GRID1: variants seen among roughly 807,000 people sequenced by gnomAD.
GRID1 encodes glutamate ionotropic receptor delta type subunit 1, also known as glutamate receptor ionotropic, delta-1.
Under a neutral mutation model 98.0 loss-of-function variants are expected in GRID1, and 28 were observed. The ratio of observed to expected loss-of-function variants is 0.29; its 90% confidence interval spans 0.21 to 0.39. GRID1 has a LOEUF of 0.39. GRID1 is among the 10% of genes least tolerant of loss of function. The pLI, the probability that GRID1 is intolerant of heterozygous loss-of-function variation, is 1.00. For missense variants in GRID1, 1,111 were observed against 1,340.5 expected, an observed-to-expected ratio of 0.83 and a Z score of 2.67; for synonymous variants, 553 against 538.5, an observed-to-expected ratio of 1.03 and a Z score of -0.37.
At chr10:85,947,460 G>A (rs370074252) in intron 4 of GRID1, among the ~76,000 whole-genome samples, 3 of 152,212 alleles carry the variant, frequency 2.0e-5, no homozygotes, top group African/African-American at 4.8e-5. Flanking sequence ...TGTAGAGCAC[G>A]TATGAGCAAG....
chr10:85,874,716 T>C (rs573342785), intron 5 of GRID1, among the ~76,000 whole-genome samples: 75 of 152,326 alleles, frequency 4.9e-4, no homozygotes, highest in African/African-American at 1.7e-3. Context: ...TACCGTGTGG[T>C]CAGTTTGTAC....
chr10:86,231,720 C>G (rs1429703569), intron 2 of GRID1, among the ~76,000 whole-genome samples: 1 of 152,180 alleles, frequency 6.6e-6, no homozygotes, highest in South Asian at 2.1e-4. Context: ...TATTATTAAC[C>G]ACCACAGGAG....
At chr10:86,059,668 A>G (rs1359301333) in intron 4 of GRID1, among the ~76,000 whole-genome samples, 4 of 152,224 alleles carry the variant, frequency 2.6e-5, no homozygotes, top group African/African-American at 9.6e-5. Flanking sequence ...ACCTCAATCA[A>G]TGCTAGTTTT....
At chr10:86,176,369 A>T (rs1372578264) in intron 3 of GRID1, among the ~76,000 whole-genome samples, 1 of 152,232 alleles carries the variant, frequency 6.6e-6, no homozygotes, top group Admixed American at 6.5e-5. Flanking sequence ...AGAATGGGGA[A>T]CTTGGCCTTA....
intron 8 of GRID1, among the ~76,000 whole-genome samples, chr10:85,810,618 A>T (rs1386004609): frequency 6.6e-6 from 1 of 151,948 alleles, no homozygotes; most frequent in African/African-American, 2.4e-5. Context: ...CCTAACTACC[A>T]TGCACCCTCA....
intron 8 of GRID1, among the ~76,000 whole-genome samples, chr10:85,752,167 G>A (rs1193515587): frequency 1.3e-5 from 2 of 152,074 alleles, no homozygotes; most frequent in Admixed American, 6.6e-5. Flanking sequence ...TCAGCTCTCC[G>A]GCCCTTTATG....
At chr10:85,869,755 G>A (rs1843258675) in intron 5 of GRID1, among the ~76,000 whole-genome samples, 1 of 152,080 alleles carries the variant, frequency 6.6e-6, no homozygotes, top group Non-Finnish European at 1.5e-5. Context: ...AAAAAATCAG[G>A]CCCTATCCTG....
intron 3 of GRID1, among the ~76,000 whole-genome samples, chr10:86,144,956 T>C (rs947882890): frequency 1.3e-5 from 2 of 152,212 alleles, no homozygotes; most frequent in African/African-American, 4.8e-5. Context: ...CTAGGACTCA[T>C]GCAACAGTGT....
At chr10:85,749,073 C>G (rs542343074) in intron 8 of GRID1, among the ~76,000 whole-genome samples, 1 of 152,194 alleles carries the variant, frequency 6.6e-6, no homozygotes, top group South Asian at 2.1e-4. Context: ...TCACCTGGAT[C>G]ACTGAAACTG....
intron 4 of GRID1, among the ~76,000 whole-genome samples, chr10:86,138,027 C>T: frequency 6.6e-6 from 1 of 152,084 alleles, no homozygotes; most frequent in Non-Finnish European, 1.5e-5. Flanking sequence ...CCCTTGGCCA[C>T]CCTGTGACCT....
intron 15 of GRID1, among the ~76,000 whole-genome samples, chr10:85,609,834 C>T (rs1352047284): frequency 6.6e-6 from 1 of 152,206 alleles, no homozygotes; most frequent in East Asian, 1.9e-4. Flanking sequence ...ATATTTTATT[C>T]TCAGAGCAAT....
At chr10:86,065,864 A>ATT (rs1843713190) in intron 4 of GRID1, among the ~76,000 whole-genome samples, 1 of 152,252 alleles carries the variant, frequency 6.6e-6, no homozygotes, top group Non-Finnish European at 1.5e-5. Flanking sequence ...AGATCCTTCT[A>ATT]GATGTGAGGG....
chr10:86,026,050 C>T (rs1843111978), intron 4 of GRID1, among the ~76,000 whole-genome samples: 1 of 152,206 alleles, frequency 6.6e-6, no homozygotes, highest in African/African-American at 2.4e-5. Context: ...CCCTCAAGGC[C>T]CAAGGGGGTG....
chr10:86,320,025 C>T (rs1400686356), intron 2 of GRID1, among the ~76,000 whole-genome samples: 2 of 152,244 alleles, frequency 1.3e-5, no homozygotes, highest in Non-Finnish European at 2.9e-5. Context: ...GGCCTCCCCT[C>T]GTGCCTGGGC....
intron 4 of GRID1, among the ~76,000 whole-genome samples, chr10:86,001,619 C>T (rs897993811): frequency 2.7e-4 from 41 of 152,324 alleles, no homozygotes; most frequent in Non-Finnish European, 4.0e-4. Context: ...GCATCTGTTA[C>T]AAATGCAGAT....
At chr10:86,103,710 G>T (rs1369194019) in intron 4 of GRID1, among the ~76,000 whole-genome samples, 1 of 152,174 alleles carries the variant, frequency 6.6e-6, no homozygotes, top group African/African-American at 2.4e-5. Flanking sequence ...CACAGTGGGG[G>T]GCCCTTAGGA....
chr10:86,169,412 GA>G (rs1845448978), intron 3 of GRID1, among the ~76,000 whole-genome samples: 1 of 152,220 alleles, frequency 6.6e-6, no homozygotes, highest in South Asian at 2.1e-4. Flanking sequence ...CACCATGGTA[GA>G]TTTCAAGCTA....
intron 2 of GRID1, among the ~76,000 whole-genome samples, chr10:86,284,442 G>A (rs1177417074): frequency 1.3e-5 from 2 of 152,216 alleles, no homozygotes; most frequent in African/African-American, 4.8e-5. Context: ...TCTCCAAGCC[G>A]TGGAGACTAC....
chr10:85,945,130 G>A (rs556152515), intron 4 of GRID1, among the ~76,000 whole-genome samples: 2 of 152,082 alleles, frequency 1.3e-5, no homozygotes, highest in East Asian at 1.9e-4. Flanking sequence ...CAGGTGCTCC[G>A]TTATGTGTAT....
Sources: allele counts gnomAD v4.1 joint callset (sites outside exome capture counted in the v4.1 genomes callset), GRCh38; gene constraint gnomAD v4.1.1; transcripts MANE v1.5; gene names NCBI Gene and HGNC (gene_info 2026-07-23, HGNC 2026-07-21).